FILIP1L: variants seen among roughly 807,000 people sequenced by gnomAD.
FILIP1L encodes the protein filamin A-interacting protein 1-like.
In FILIP1L, 55 loss-of-function variants were observed where a neutral mutation model predicts 96.6. The ratio of observed to expected loss-of-function variants is 0.57; its 90% CI spans 0.46 to 0.71. The LOEUF (loss-of-function observed/expected upper bound fraction) is 0.71. Among genes scored for constraint, FILIP1L ranks in the 30% least tolerant of loss-of-function variants. The pLI is 0.00. For missense variants in FILIP1L, 1,304 were observed against 1,321.2 expected (o/e 0.99, Z 0.20); for synonymous variants, 467 against 473.9 (o/e 0.99, Z 0.19).
intron 4 of FILIP1L, among the ~76,000 whole-genome samples, chr3:99,903,847 A>G (rs1363032334): frequency 2.0e-5 from 3 of 152,194 alleles, no homozygotes; most frequent in Non-Finnish European, 1.5e-5. Flanking sequence ...TGAGGCAGAA[A>G]TAAGAAATAA....
At chr3:99,911,956 A>G (rs1026970184) in intron 4 of FILIP1L, among the ~76,000 whole-genome samples, 6 of 152,136 alleles carry the variant, frequency 3.9e-5, no homozygotes, top group African/African-American at 1.2e-4. Flanking sequence ...TTTCCAGCAA[A>G]TAATCATTTG....
At chr3:99,925,518 T>C (rs902316017) in intron 3 of FILIP1L, among the ~76,000 whole-genome samples, 2 of 152,196 alleles carry the variant, frequency 1.3e-5, no homozygotes, top group Admixed American at 6.5e-5. Context: ...TTGTTTTGTT[T>C]TGTTTGGTCA....
At chr3:99,985,286 C>A (rs549073528) in intron 1 of FILIP1L, among the ~76,000 whole-genome samples, 1 of 152,260 alleles carries the variant, frequency 6.6e-6, no homozygotes, top group African/African-American at 2.4e-5. Flanking sequence ...AATTCCAACA[C>A]TTTGGTAGGC....
At chr3:100,007,368 A>G (rs1000150773) in intron 1 of FILIP1L, among the ~76,000 whole-genome samples, 6 of 152,172 alleles carry the variant, frequency 3.9e-5, no homozygotes, top group African/African-American at 1.2e-4. Context: ...TCTGCCCACA[A>G]AACAGATTTT....
intron 1 of FILIP1L, among the ~76,000 whole-genome samples, chr3:100,077,687 A>G (rs1033611346): frequency 2.0e-5 from 3 of 152,186 alleles, no homozygotes; most frequent in Admixed American, 6.5e-5. Context: ...AGGTGGGACA[A>G]TGAATTGAGC....
intron 4 of FILIP1L, among the ~76,000 whole-genome samples, chr3:99,886,915 A>T (rs556596477): frequency 1.3e-5 from 2 of 150,748 alleles, no homozygotes; most frequent in East Asian, 3.9e-4. Context: ...GGTTGTAGTG[A>T]GCCAAGATCA....
intron 1 of FILIP1L, among the ~76,000 whole-genome samples, chr3:100,102,539 T>A (rs1190695829): frequency 2.0e-5 from 3 of 152,242 alleles, no homozygotes; most frequent in Non-Finnish European, 4.4e-5. Flanking sequence ...TGTACGTCTC[T>A]TGTAACACTT....
chr3:100,059,996 G>A (rs1340172787), intron 1 of FILIP1L, among the ~76,000 whole-genome samples: 1 of 151,460 alleles, frequency 6.6e-6, no homozygotes, highest in African/African-American at 2.4e-5. Flanking sequence ...TGACCCATAT[G>A]ACTAGGGGTG....
Position 99,850,120 on chromosome 3 carries a change from T to C in FILIP1L, c.1556A>G (p.Gln519Arg). 6.2e-7 allele frequency: 1 copy of C among 1,612,810 alleles called. No homozygotes were observed. The highest frequency in any genetic ancestry group is 1.1e-5 in the South Asian group (1 of 90,688). Residue 519 changes from glutamine (Q) to arginine (R), a missense_variant, in exon 5 of 6, where the codon CAA (glutamine) becomes CGA (arginine). Transcript: ENST00000477258. The part of the protein sequence containing the change: ...EKLKKTEDKL[Q>R]AASSQLQVEQ... ...CACTTGAAGCTGAGAAGAAGCAGCT[T>C]GTAATTTATCTTCAGTTTTCTTTAA... is the stretch of plus-strand genomic sequence containing the variant.
intron 1 of FILIP1L, among the ~76,000 whole-genome samples, chr3:100,070,628 TG>T: frequency 6.6e-6 from 1 of 152,218 alleles, no homozygotes; most frequent in Admixed American, 6.5e-5. Context: ...GTTTTTTTGT[TG>T]TTGTTGTTTT....
intron 4 of FILIP1L, among the ~76,000 whole-genome samples, chr3:99,922,099 G>A (rs1294100307): frequency 1.3e-5 from 2 of 152,134 alleles, no homozygotes; most frequent in East Asian, 3.8e-4. Context: ...AATGTGGTAA[G>A]CCCCCTGGGC....
In FILIP1L at chr3:99,930,849, T is replaced by C. The variant is rs199922409; in HGVS notation, c.172A>G (p.Ser58Gly). 4.6e-5 allele frequency: 74 copies of C among 1,613,076 alleles called. No individual in the cohort carries two copies. The African/African-American group carries it at 6.8e-4, about 15-fold the overall frequency. ...TCTTCTGCTTGGTGGCCATTACCACTGTGTGGCTTCTCTGCCTTGGGACAC... is the reference window on the plus strand; with the variant it reads ...TCTTCTGCTTGGTGGCCATTACCACCGTGTGGCTTCTCTGCCTTGGGACAC... ...LPCPKAEKPH[S>G]GNGHQAEDLS... Residue 58 changes from serine (S) to glycine (G), a missense_variant, in exon 2 of 6, where the codon AGT becomes GGT. Ser to Gly is a moderately conservative substitution (Grantham distance 56, BLOSUM62 0). Transcript: ENST00000477258.
At chr3:99,879,339 C>T (rs933638124) in intron 4 of FILIP1L, among the ~76,000 whole-genome samples, 5 of 152,194 alleles carry the variant, frequency 3.3e-5, no homozygotes, top group Non-Finnish European at 7.3e-5. Flanking sequence ...CTGGTTCGAG[C>T]TAATTGTCAG....
chr3:100,030,194 G>A (rs2065000333), intron 1 of FILIP1L, among the ~76,000 whole-genome samples: 1 of 152,116 alleles, frequency 6.6e-6, no homozygotes, highest in Admixed American at 6.6e-5. Flanking sequence ...CTATTTTCTA[G>A]TTTAATATTA....
At chr3:100,079,487 G>T (rs2107398872) in intron 1 of FILIP1L, among the ~76,000 whole-genome samples, 1 of 152,264 alleles carries the variant, frequency 6.6e-6, no homozygotes, top group East Asian at 1.9e-4. Context: ...TTGTGGTAGA[G>T]TTTACTTCAT....
Position 99,848,613 on chromosome 3 carries a change from T to C in FILIP1L, c.3063A>G (p.Glu1021=). 1 of 1,614,164 alleles carries C rather than the reference T, an allele frequency of 6.2e-7. No individual in the cohort carries two copies. Among genetic ancestry groups the C allele is most frequent in the Non-Finnish European group, 8.5e-7 (1 of 1,180,028 alleles). ...ASSPEQGRSP[E]PTEISAKHAI... ...CATGCTTGGCACTGATTTCTGTTGG[T>C]TCTGGGGAGCGTCCCTGCTCAGGAG... The change falls in exon 5 of 6, where the codon GAA becomes GAG. Residue 1021 remains glutamate (E), a synonymous_variant. Coordinates refer to ENST00000477258, the MANE Select transcript of FILIP1L (RefSeq NM_001387850.1).
At chr3:100,038,102 C>T (rs2107281307) in intron 1 of FILIP1L, among the ~76,000 whole-genome samples, 1 of 151,992 alleles carries the variant, frequency 6.6e-6, no homozygotes, top group Middle Eastern at 3.4e-3. Context: ...ATTACAGGCA[C>T]CTGCCACCAT....
At chr3:100,057,949 G>A (rs1419355333) in intron 1 of FILIP1L, among the ~76,000 whole-genome samples, 4 of 152,268 alleles carry the variant, frequency 2.6e-5, no homozygotes, top group South Asian at 2.1e-4. Context: ...TTTCGACATC[G>A]TGAGAGTCTG....
chr3:100,018,524 C>T (rs1022665235), intron 1 of FILIP1L, among the ~76,000 whole-genome samples: 2 of 151,960 alleles, frequency 1.3e-5, no homozygotes, highest in Non-Finnish European at 2.9e-5. Context: ...GAAATTTGAC[C>T]TTTATCTCAC....
Sources: allele counts gnomAD v4.1 joint callset (sites outside exome capture counted in the v4.1 genomes callset), GRCh38; gene constraint gnomAD v4.1.1; transcripts MANE v1.5; gene names NCBI Gene and HGNC (gene_info 2026-07-23, HGNC 2026-07-21).